Variants in GPBP1L1 observed in about 807,000 individuals in gnomAD.
GPBP1L1 encodes vasculin-like protein 1.
Under a neutral mutation model 52.5 loss-of-function variants are expected in GPBP1L1, and 23 were observed. That is an observed-to-expected ratio of 0.44 (90% CI 0.32 to 0.62). The LOEUF (loss-of-function observed/expected upper bound fraction) is 0.62, where lower values mean the gene tolerates loss of function less well. Among genes scored for constraint, GPBP1L1 ranks in the 20% least tolerant of loss-of-function variants. The pLI is 0.06. For missense variants in GPBP1L1, 596 were observed against 579.3 expected (o/e 1.03, Z -0.30); for synonymous variants, 243 against 203.1 (o/e 1.20, Z -1.67).
At position 45,646,112 on chromosome 1, in the gene GPBP1L1, T is replaced by C. The variant is rs930264008; in HGVS notation, c.478-3613A>G. On this transcript the variant is annotated intron_variant, in intron 6 of 12. Transcript: ENST00000355105. ...GAAGTTGGACAATGACTTTGGAGCA[T>C]GGCCTAGTAAGAACCGGCGTTTCCC... 1.8e-5 allele frequency: 8 copies of C among 437,054 alleles called. 1 individual carries two copies. The highest frequency in any genetic ancestry group is 6.1e-5 in the African/African-American group (3 of 48,858). 27.1% of individuals were successfully genotyped at this position (437,054 alleles called of 1,614,324 possible). A position where few individuals can be genotyped will look rare whatever the true frequency, so the allele number is the denominator to read the frequency against.
chr1:45,660,442 T>A lies in GPBP1L1; in HGVS notation c.-314A>T, dbSNP rs1160848643. 1 of 977,324 alleles carries A rather than the reference T, an allele frequency of 1.0e-6. No homozygotes were observed. The highest frequency in any genetic ancestry group is 1.2e-6 in the Non-Finnish European group (1 of 823,340). The allele number at this position is 977,324 out of a possible 1,614,324, so 60.5% of individuals were successfully genotyped here. A position where few individuals can be genotyped will look rare whatever the true frequency, so the allele number is the denominator to read the frequency against. On this transcript the variant is annotated 5_prime_UTR_variant, in exon 3 of 13. Coordinates refer to ENST00000355105, the MANE Select transcript of GPBP1L1 (RefSeq NM_021639.5). ...GGGGGAAGGGGAACATAAAAAGTAT[T>A]TGTTACATTTAAAAAGGGGGGGAAG...
At chr1:45,672,205 A>T (rs1361584540) in intron 2 of GPBP1L1, among the ~76,000 whole-genome samples, 1 of 152,030 alleles carries the variant, frequency 6.6e-6, no homozygotes, top group Non-Finnish European at 1.5e-5. Context: ...TACTAAAAAT[A>T]AAAAAATTAG....
At chr1:45,629,464 C>CG (rs1644501255) in intron 12 of GPBP1L1, 112 bp downstream of exon 12, 2 of 146,158 alleles carry the variant, frequency 1.4e-5, no homozygotes, top group African/African-American at 2.8e-5. Flanking sequence ...TCCCCCCCCC[C>CG]CCCACCCGAT....
At chr1:45,673,760 G>C (rs1379587615) in intron 2 of GPBP1L1, among the ~76,000 whole-genome samples, 1 of 152,212 alleles carries the variant, frequency 6.6e-6, no homozygotes, top group Non-Finnish European at 1.5e-5. Context: ...TAGTCGGGAG[G>C]TTGAGGCAGA....
chr1:45,660,197 C>T lies in GPBP1L1; in HGVS notation c.-69G>A. 9.1e-6 allele frequency: 9 copies of T among 985,242 alleles called. No individual in the cohort carries two copies. The highest frequency in any genetic ancestry group is 1.1e-5 in the Non-Finnish European group (9 of 829,894). The allele number at this position is 985,242 out of a possible 1,614,324, so 61.0% of individuals were successfully genotyped here. On this transcript the variant is annotated 5_prime_UTR_variant, in exon 3 of 13. Transcript: ENST00000355105. ...GAGAATATTTACCCCAGAGTGTAACCTCTGTGGTCCTGTTTCTGAACTCGA... is the reference window on the plus strand; with the variant it reads ...GAGAATATTTACCCCAGAGTGTAACTTCTGTGGTCCTGTTTCTGAACTCGA...
intron 6 of GPBP1L1, chr1:45,651,216 GA>G: frequency 2.3e-6 from 1 of 441,024 alleles, no homozygotes; most frequent in East Asian, 5.8e-5. Context: ...TAACCTGTGT[GA>G]AGGCAACCAG....
At chr1:45,641,080 A>G (rs1375060548) in intron 7 of GPBP1L1, among the ~76,000 whole-genome samples, 5 of 152,150 alleles carry the variant, frequency 3.3e-5, no homozygotes, top group African/African-American at 1.2e-4. Context: ...ATGAGAATAG[A>G]GAGATGAGGT....
At chr1:45,679,195 A>AG (rs11329739) in intron 2 of GPBP1L1, among the ~76,000 whole-genome samples, 81,635 of 152,008 alleles carry the variant, frequency 0.54, 22,077 homozygotes, top group Middle Eastern at 0.6. Flanking sequence ...TTGTCTGACA[A>AG]GTTTAAAAAG....
upstream of GPBP1L1, chr1:45,687,979 T>C (rs1355615335): frequency 1.3e-5 from 2 of 152,220 alleles, no homozygotes; most frequent in African/African-American, 4.8e-5. Flanking sequence ...TGCACTCTAC[T>C]TACCCGAACT....
At chr1:45,676,710 C>CA (rs1189531708) in intron 2 of GPBP1L1, among the ~76,000 whole-genome samples, 2,883 of 62,536 alleles carry the variant, frequency 0.046, 51 homozygotes, top group East Asian at 0.14. Context: ...AACTCTGTCT[C>CA]AAAAAAAAAA....
chr1:45,687,073 G>T (rs1319882305), upstream of GPBP1L1: 1 of 152,240 alleles, frequency 6.6e-6, no homozygotes, highest in Non-Finnish European at 1.5e-5. Flanking sequence ...TACTTCTCGT[G>T]TGCGCGTCGT....
At position 45,630,613 on chromosome 1, in the gene GPBP1L1, T is replaced by C. The variant is rs765108713; in HGVS notation, c.1045-7A>G. Reference sequence around the variant, plus strand: ...GTGTGCTGTTGTCCTCCAACTGCAATAAGGAAAAGGAAGGACACAGTTGGT... The same window carrying C: ...GTGTGCTGTTGTCCTCCAACTGCAACAAGGAAAAGGAAGGACACAGTTGGT... On this transcript the variant is annotated splice_polypyrimidine_tract_variant and splice_region_variant and intron_variant, in intron 10 of 12. Coordinates refer to ENST00000355105, the MANE Select transcript of GPBP1L1 (RefSeq NM_021639.5). 4 of 1,613,670 alleles carry C rather than the reference T, an allele frequency of 2.5e-6. No individual in the cohort carries two copies. The highest frequency in any genetic ancestry group is 2.5e-6 in the Non-Finnish European group (3 of 1,179,798).
chr1:45,670,786 TC>T (rs1227846263), intron 2 of GPBP1L1, among the ~76,000 whole-genome samples: 7 of 142,282 alleles, frequency 4.9e-5, no homozygotes, highest in African/African-American at 1.6e-4. Context: ...CTACCATATG[TC>T]TTTTTTTTTT....
At chr1:45,639,968 T>G (rs1644649242) in intron 8 of GPBP1L1, among the ~76,000 whole-genome samples, 1 of 149,656 alleles carries the variant, frequency 6.7e-6, no homozygotes, top group South Asian at 2.1e-4. Context: ...CTTGGGAGGC[T>G]GAGGTCACAC....
At chr1:45,675,613 C>T (rs1314207261) in intron 2 of GPBP1L1, among the ~76,000 whole-genome samples, 1 of 152,200 alleles carries the variant, frequency 6.6e-6, no homozygotes, top group African/African-American at 2.4e-5. Context: ...ACGATTACGG[C>T]TCATTACAGT....
chr1:45,648,262 T>C (rs1392219386), intron 6 of GPBP1L1, among the ~76,000 whole-genome samples: 7 of 152,186 alleles, frequency 4.6e-5, no homozygotes. Flanking sequence ...CTATTTTCTT[T>C]AAAGATCTTT....
At chr1:45,642,582 C>G (rs1453065951) in intron 6 of GPBP1L1, 83 bp from the exon 7 acceptor site, 5 of 934,180 alleles carry the variant, frequency 5.4e-6, no homozygotes, top group Non-Finnish European at 8.7e-6. Context: ...ACCATGGAAC[C>G]TATCAAATAA....
At chr1:45,637,276 T>G (rs778465009) in intron 8 of GPBP1L1, among the ~76,000 whole-genome samples, 13 of 152,180 alleles carry the variant, frequency 8.5e-5, no homozygotes, top group Non-Finnish European at 1.9e-4. Context: ...AATGGATAAA[T>G]CAACATCTGC....
At chr1:45,642,557 C>T in intron 6 of GPBP1L1, 58 bp from the exon 7 acceptor site, 2 of 1,276,814 alleles carry the variant, frequency 1.6e-6, no homozygotes, top group Non-Finnish European at 2.3e-6. Context: ...TGGCACTTTT[C>T]ACAAAGTAGC....
Sources: gnomAD v4.1 joint callset for allele counts (sites outside exome capture counted in the v4.1 genomes callset) on GRCh38, gnomAD v4.1.1 for gene constraint, MANE v1.5 for transcripts, NCBI Gene and HGNC (gene_info 2026-07-23, HGNC 2026-07-21) for gene names.